PIBF1: variants seen among roughly 807,000 people sequenced by gnomAD.
The protein encoded by PIBF1 is progesterone-induced-blocking factor 1.
Under a neutral mutation model 112.5 loss-of-function variants are expected in PIBF1, and 90 were observed. The observed-to-expected ratio is 0.80, with a 90% confidence interval of 0.67 to 0.95. The LOEUF is 0.95. PIBF1 is among the 40% of genes least tolerant of loss of function. The probability of loss-of-function intolerance (pLI) is 0.00; values close to 1 mark genes in which losing one functional copy is unlikely to be tolerated. For missense variants in PIBF1, 915 were observed against 852.3 expected (o/e 1.07, Z -0.92); for synonymous variants, 301 against 288.6 (o/e 1.04, Z -0.44).
chr13:73,011,750 G>A (rs913137099), intron 17 of PIBF1, among the ~76,000 whole-genome samples: 41 of 152,074 alleles, frequency 2.7e-4, no homozygotes, highest in Admixed American at 2.3e-3. Flanking sequence ...GCCCATTTAC[G>A]GCAGTTTCTT....
intron 5 of PIBF1, among the ~76,000 whole-genome samples, chr13:72,800,318 G>A (rs371148373): frequency 5.3e-5 from 8 of 152,248 alleles, no homozygotes; most frequent in African/African-American, 1.7e-4. Context: ...TTACAGGCGT[G>A]AGCCACTGCA....
At chr13:72,824,982 A>T (rs1000247011) in intron 6 of PIBF1, among the ~76,000 whole-genome samples, 2 of 152,218 alleles carry the variant, frequency 1.3e-5, no homozygotes, top group African/African-American at 4.8e-5. Context: ...GAAACTTCAG[A>T]CAAGTGAAAA....
intron 14 of PIBF1, among the ~76,000 whole-genome samples, chr13:72,941,317 C>G (rs1594239420): frequency 6.6e-6 from 1 of 152,154 alleles, no homozygotes; most frequent in Non-Finnish European, 1.5e-5. Flanking sequence ...AGTCAAGTGT[C>G]AGTGTGGAGT....
chr13:72,975,281 C>T (rs1304703524), intron 16 of PIBF1, among the ~76,000 whole-genome samples: 1 of 151,922 alleles, frequency 6.6e-6, no homozygotes, highest in Non-Finnish European at 1.5e-5. Flanking sequence ...ATCTTAAACT[C>T]CTGACCTCAA....
chr13:72,840,452 A>C (rs1408694856), intron 9 of PIBF1, among the ~76,000 whole-genome samples: 2 of 152,036 alleles, frequency 1.3e-5, no homozygotes. Context: ...GTGCTGTTAC[A>C]ATAAGTTGAA....
At chr13:72,927,889 C>G (rs934594018) in intron 13 of PIBF1, among the ~76,000 whole-genome samples, 3 of 145,832 alleles carry the variant, frequency 2.1e-5, no homozygotes, top group Non-Finnish European at 3.0e-5. Context: ...CATTAGTGGG[C>G]TAAATGGGTC....
At chr13:72,873,554 C>T (rs1222700976) in intron 10 of PIBF1, among the ~76,000 whole-genome samples, 4 of 152,028 alleles carry the variant, frequency 2.6e-5, no homozygotes, top group African/African-American at 7.3e-5. Flanking sequence ...AGGCATGCGT[C>T]GCCACGCCCG....
At chr13:72,818,823 G>C (rs2036415672) in intron 5 of PIBF1, among the ~76,000 whole-genome samples, 2 of 151,250 alleles carry the variant, frequency 1.3e-5, no homozygotes, top group South Asian at 4.2e-4. Flanking sequence ...AACAAGCACT[G>C]TCAGTTTATT....
chr13:72,840,627 G>A (rs1368733991), intron 9 of PIBF1, among the ~76,000 whole-genome samples: 1 of 151,022 alleles, frequency 6.6e-6, no homozygotes, highest in Non-Finnish European at 1.5e-5. Flanking sequence ...GAGTCCAAGC[G>A]ATTCTCCTGT....
Position 72,827,014 on chromosome 13 carries a change from C to A in PIBF1, c.811C>A (p.Arg271Ser). 2 of 1,579,052 alleles carry A rather than the reference C, an allele frequency of 1.3e-6. No homozygotes were observed. Among genetic ancestry groups the A allele is most frequent in the African/African-American group, 1.4e-5 (1 of 73,596 alleles). ...QENYDKVKSE[R>S]DALEQEVIEL... ...CTTTGAATTTTATTTTAACAGTGAA[C>A]GTGATGCACTTGAACAGGAAGTAAT... The change falls in exon 7 of 18, where the codon CGT becomes AGT. Residue 271 changes from arginine to serine, a missense_variant. Arg to Ser is a moderately radical substitution (Grantham distance 110, BLOSUM62 -1). Transcript: ENST00000326291.
At chr13:72,959,582 G>C (rs1167829960) in intron 14 of PIBF1, among the ~76,000 whole-genome samples, 2 of 152,196 alleles carry the variant, frequency 1.3e-5, no homozygotes, top group East Asian at 3.9e-4. Flanking sequence ...TTCTGTGAAA[G>C]TAAACTCCCC....
chr13:72,956,293 T>A (rs892946136), intron 14 of PIBF1, among the ~76,000 whole-genome samples: 9 of 152,132 alleles, frequency 5.9e-5, no homozygotes, highest in African/African-American at 2.2e-4. Flanking sequence ...TTTTTCAGTA[T>A]CTCTCCTTAC....
chr13:72,834,266 G>T (rs1349273811), intron 8 of PIBF1, among the ~76,000 whole-genome samples: 1 of 152,126 alleles, frequency 6.6e-6, no homozygotes, highest in Non-Finnish European at 1.5e-5. Flanking sequence ...TCTACTGGAT[G>T]TGTAGAAGTT....
chr13:72,822,003 CAGT>C, intron 6 of PIBF1, 21 bp downstream of exon 6: 1 of 1,589,366 alleles, frequency 6.3e-7, no homozygotes, highest in Non-Finnish European at 8.6e-7. Flanking sequence ...AAAATGGCTG[CAGT>C]AGTAGTTCTC....
intron 9 of PIBF1, among the ~76,000 whole-genome samples, chr13:72,844,481 C>G (rs957603642): frequency 6.6e-6 from 1 of 151,896 alleles, no homozygotes; most frequent in Admixed American, 6.6e-5. Context: ...TAATGCTCTC[C>G]GTCCCCTAGC....
chr13:72,923,439 A>G (rs2041367393), intron 13 of PIBF1, among the ~76,000 whole-genome samples: 1 of 152,232 alleles, frequency 6.6e-6, no homozygotes, highest in Non-Finnish European at 1.5e-5. Context: ...TGTACAACCA[A>G]TATACTGGTG....
intron 16 of PIBF1, among the ~76,000 whole-genome samples, chr13:72,998,250 G>A (rs2043743473): frequency 6.6e-6 from 1 of 152,182 alleles, no homozygotes; most frequent in Non-Finnish European, 1.5e-5. Context: ...GTGGAAGGTA[G>A]CTATGCCAGT....
chr13:72,837,221 T>C (rs1173998510), intron 9 of PIBF1, among the ~76,000 whole-genome samples: 1 of 152,078 alleles, frequency 6.6e-6, no homozygotes, highest in African/African-American at 2.4e-5. Context: ...GACATATTAA[T>C]TTTTAAAATA....
At chr13:72,820,406 G>T (rs1272004563) in intron 5 of PIBF1, among the ~76,000 whole-genome samples, 1 of 152,132 alleles carries the variant, frequency 6.6e-6, no homozygotes, top group African/African-American at 2.4e-5. Flanking sequence ...GATCTTTCGG[G>T]AGGTGATAGC....
Sources: gnomAD v4.1 joint callset for allele counts (sites outside exome capture counted in the v4.1 genomes callset) on GRCh38, gnomAD v4.1.1 for gene constraint, MANE v1.5 for transcripts, NCBI Gene and HGNC (gene_info 2026-07-23, HGNC 2026-07-21) for gene names.